The following PPFIBP1 variants were observed in gnomAD, a reference collection of about 807,000 sequenced individuals.
PPFIBP1 encodes the protein PPFIB scaffold protein 1.
PPFIBP1 carries 112 observed loss-of-function variants against 137.8 expected under a neutral mutation model. That is an observed-to-expected ratio of 0.81 (90% CI 0.70 to 0.95). The LOEUF (loss-of-function observed/expected upper bound fraction) is 0.95. Ranked by LOEUF, PPFIBP1 falls within the 40% of genes least tolerant of loss-of-function variation. The pLI is 0.00. For missense variants in PPFIBP1, 1,083 were observed against 1,196.6 expected (o/e 0.91, Z 1.40); for synonymous variants, 378 against 417.3 (o/e 0.91, Z 1.15).
intron 1 of PPFIBP1, among the ~76,000 whole-genome samples, chr12:27,557,547 A>G (rs1298578771): frequency 6.6e-6 from 1 of 152,170 alleles, no homozygotes; most frequent in African/African-American, 2.4e-5. Flanking sequence ...CATGGTAACA[A>G]TATTGAACTT....
At chr12:27,621,230 C>T (rs762863118) in intron 2 of PPFIBP1, among the ~76,000 whole-genome samples, 7 of 152,172 alleles carry the variant, frequency 4.6e-5, no homozygotes, top group Admixed American at 1.3e-4. Flanking sequence ...ATAGATGATA[C>T]GTAAACGAAT....
intron 1 of PPFIBP1, among the ~76,000 whole-genome samples, chr12:27,546,484 G>A (rs1358704162): frequency 6.6e-6 from 1 of 152,092 alleles, no homozygotes; most frequent in African/African-American, 2.4e-5. Context: ...TGACTTCCAG[G>A]CCTGTGACTC....
At chr12:27,674,973 C>T (rs201001068) in intron 17 of PPFIBP1, among the ~76,000 whole-genome samples, 30 of 97,696 alleles carry the variant, frequency 3.1e-4, no homozygotes, top group African/African-American at 1.0e-3. Flanking sequence ...CCACCATACT[C>T]GGCTGTTTTT....
intron 17 of PPFIBP1, 136 bp downstream of exon 17, chr12:27,674,357 C>T (rs112445076): frequency 1.4e-5 from 8 of 582,978 alleles, no homozygotes; most frequent in African/African-American, 1.2e-4. Flanking sequence ...ACAAAGTTCA[C>T]ATATTATATG....
At chr12:27,677,943 G>A (rs1307460435) in intron 19 of PPFIBP1, 1 of 152,172 alleles carries the variant, frequency 6.6e-6, no homozygotes, top group Non-Finnish European at 1.5e-5. Context: ...CGATATAAAT[G>A]TCTAGAATGA....
At chr12:27,676,719 A>T in intron 18 of PPFIBP1, 120 bp downstream of exon 18, 1 of 1,120,934 alleles carries the variant, frequency 8.9e-7, no homozygotes, top group East Asian at 2.5e-5. Flanking sequence ...ACGAAGGTGA[A>T]TGACTTAGGG....
Position 27,566,681 on chromosome 12 carries a change from T to C in PPFIBP1, c.-123-11471T>C, listed in dbSNP as rs548728243. On this transcript the variant is annotated intron_variant, in intron 1 of 29. Transcript: ENST00000228425. ...TGTTTGCTAAGCTCTCTATGTGAAT[T>C]ACATCACTTAATTCTCACACAGTAA... Among the ~76,000 whole-genome samples, 517 of 152,316 alleles carry C rather than the reference T, an allele frequency of 3.4e-3. 1 individual carries two copies. Among genetic ancestry groups the C allele is most frequent in the Non-Finnish European group, 5.7e-3 (390 of 68,028 alleles).
chr12:27,608,679 T>G, intron 2 of PPFIBP1: 1 of 439,788 alleles, frequency 2.3e-6, no homozygotes, highest in Non-Finnish European at 4.2e-6. Flanking sequence ...AAAATATTCC[T>G]CTGGATTGTA....
intron 2 of PPFIBP1, among the ~76,000 whole-genome samples, chr12:27,612,817 A>G (rs2138212370): frequency 6.6e-6 from 1 of 152,242 alleles, no homozygotes. Flanking sequence ...TTTTGTATTA[A>G]ATGGGTCAAA....
chr12:27,662,979 G>A (rs533112639), intron 11 of PPFIBP1, among the ~76,000 whole-genome samples: 263 of 152,182 alleles, frequency 1.7e-3, no homozygotes, highest in South Asian at 0.011. Flanking sequence ...TTCTGATCTC[G>A]GCTGGCTTAG....
At chr12:27,598,017 C>G (rs1348824853) in intron 2 of PPFIBP1, among the ~76,000 whole-genome samples, 1 of 152,020 alleles carries the variant, frequency 6.6e-6, no homozygotes, top group African/African-American at 2.4e-5. Flanking sequence ...GTCAGCCAGG[C>G]TGGTGTCAAA....
intron 2 of PPFIBP1, among the ~76,000 whole-genome samples, chr12:27,613,635 A>G (rs1030412491): frequency 1.3e-4 from 19 of 151,610 alleles, no homozygotes; most frequent in African/African-American, 4.6e-4. Context: ...CCTGGGAGGC[A>G]GAGGTTGCCA....
At chr12:27,643,408 C>T (rs2058251457) in intron 4 of PPFIBP1, among the ~76,000 whole-genome samples, 1 of 128,572 alleles carries the variant, frequency 7.8e-6, no homozygotes, top group Admixed American at 7.9e-5. Flanking sequence ...TCAAGTCTAA[C>T]CTTAGTGCAT....
intron 24 of PPFIBP1, among the ~76,000 whole-genome samples, chr12:27,684,148 G>T (rs1253439421): frequency 1.3e-5 from 2 of 151,544 alleles, no homozygotes; most frequent in Non-Finnish European, 2.9e-5. Context: ...TCACTCTGCT[G>T]CCCAGGCTGG....
At chr12:27,593,657 G>T in intron 2 of PPFIBP1, 1 of 528,314 alleles carries the variant, frequency 1.9e-6, no homozygotes. Context: ...TCAGTTTGCT[G>T]ACAGATAGTT....
chr12:27,593,411 C>T (rs539119153), intron 2 of PPFIBP1: 88 of 455,684 alleles, frequency 1.9e-4, no homozygotes, highest in South Asian at 1.4e-3. Flanking sequence ...TCAGCCAGCT[C>T]ATGTTCCTTA....
At chr12:27,551,403 C>T (rs1946764002) in intron 1 of PPFIBP1, among the ~76,000 whole-genome samples, 1 of 152,198 alleles carries the variant, frequency 6.6e-6, no homozygotes, top group African/African-American at 2.4e-5. Flanking sequence ...CTAAACCTGG[C>T]ATTAGCTAGT....
At chr12:27,627,436 A>T (rs1032594909) in intron 2 of PPFIBP1, among the ~76,000 whole-genome samples, 2 of 152,198 alleles carry the variant, frequency 1.3e-5, no homozygotes, top group Non-Finnish European at 1.5e-5. Context: ...CTTTCTCTGA[A>T]GATTCCTTCT....
intron 2 of PPFIBP1, among the ~76,000 whole-genome samples, chr12:27,626,294 C>T (rs1235197702): frequency 6.6e-6 from 1 of 152,098 alleles, no homozygotes; most frequent in Non-Finnish European, 1.5e-5. Context: ...GAATTAAAAC[C>T]TGAATGGCTT....
Sources: gnomAD v4.1 joint callset for allele counts (sites outside exome capture counted in the v4.1 genomes callset) on GRCh38, gnomAD v4.1.1 for gene constraint, MANE v1.5 for transcripts, NCBI Gene and HGNC (gene_info 2026-07-23, HGNC 2026-07-21) for gene names.